Variants in ZNF735 observed in about 807,000 individuals in gnomAD.
The protein encoded by ZNF735 is zinc finger protein 735, also known as putative zinc finger protein 735.
ZNF735 carries 11 observed loss-of-function variants against 13.4 expected under a neutral mutation model. The ratio of observed to expected loss-of-function variants is 0.82; its 90% CI spans 0.52 to 1.36. ZNF735 has a LOEUF of 1.36. Among genes scored for constraint, ZNF735 ranks in the 40% most tolerant of loss-of-function variants. The pLI is 0.00. For missense variants in ZNF735, 500 were observed against 484.6 expected (o/e 1.03, Z -0.30); for synonymous variants, 171 against 162.6 (o/e 1.05, Z -0.39).
chr7:64,214,792 G>A (rs1006340037), intron 3 of ZNF735, among the ~76,000 whole-genome samples: 7 of 151,498 alleles, frequency 4.6e-5, no homozygotes, highest in African/African-American at 1.7e-4. Flanking sequence ...ATTATTTGAA[G>A]AACATTCATG....
chr7:64,220,061 C>T (rs747042016), exon 4 of ZNF735: 1 of 1,613,444 alleles, frequency 6.2e-7, no homozygotes, highest in East Asian at 2.2e-5. Flanking sequence ...TTTAACTGCT[C>T]CTCGACTCTT....
chr7:64,219,989 T>A (rs1472371276), exon 4 of ZNF735: 3 of 1,602,668 alleles, frequency 1.9e-6, no homozygotes, highest in South Asian at 1.1e-5. Flanking sequence ...TCAGCCCTCA[T>A]TTACCACAAG....
exon 2 of ZNF735, chr7:64,213,196 C>T (rs751189655): frequency 6.2e-7 from 1 of 1,607,366 alleles, no homozygotes; most frequent in Non-Finnish European, 8.5e-7. Context: ...TGTTAGAGAA[C>T]TACAGAAACC....
chr7:64,216,704 C>T (rs900270675), intron 3 of ZNF735, among the ~76,000 whole-genome samples: 7 of 152,012 alleles, frequency 4.6e-5, no homozygotes, highest in African/African-American at 1.7e-4. Flanking sequence ...TTCCTGGACT[C>T]AAGTAATCCT....
chr7:64,208,477 G>A (rs1470288880), intron 1 of ZNF735, among the ~76,000 whole-genome samples: 4 of 151,644 alleles, frequency 2.6e-5, no homozygotes, highest in African/African-American at 9.7e-5. Flanking sequence ...GGTTGGTCTC[G>A]AACTTTTGAC....
exon 4 of ZNF735, chr7:64,219,857 A>G (rs758089093): frequency 5.0e-6 from 8 of 1,613,920 alleles, no homozygotes; most frequent in Non-Finnish European, 6.8e-6. Flanking sequence ...GAGAAACCCT[A>G]CGCATGTGAA....
rs368377767 is a variant in ZNF735 at position 64,219,875 on chromosome 7, G to A, written c.824G>A (p.Gly275Asp). The change falls in exon 4 of 4, where the codon GGC becomes GAC. Residue 275 changes from glycine (G) to aspartate (D), a missense_variant. Coordinates refer to ENST00000429565, the Ensembl canonical transcript of ZNF735. Reference sequence around the variant, plus strand: ...AAACCCTACGCATGTGAAGAATGTGGCCAAGCCTTTAGGCGCTCCTCAACA... The same window carrying A: ...AAACCCTACGCATGTGAAGAATGTGACCAAGCCTTTAGGCGCTCCTCAACA... 1.0e-4 allele frequency: 166 copies of A among 1,613,860 alleles called. 1 individual carries two copies. The Middle Eastern group carries it at 1.7e-3, about 16-fold the overall frequency.
chr7:64,215,553 GTTC>G (rs1356321054), intron 3 of ZNF735, among the ~76,000 whole-genome samples: 1 of 151,954 alleles, frequency 6.6e-6, no homozygotes. Context: ...AAATTTTCCT[GTTC>G]TTCTCTTTGT....
At chr7:64,215,272 G>C (rs1787406477) in intron 3 of ZNF735, among the ~76,000 whole-genome samples, 1 of 151,890 alleles carries the variant, frequency 6.6e-6, no homozygotes, top group African/African-American at 2.4e-5. Context: ...TGGTCAGACT[G>C]GTCTCGAATT....
intron 1 of ZNF735, among the ~76,000 whole-genome samples, chr7:64,212,261 A>G (rs2116481195): frequency 6.6e-6 from 1 of 152,360 alleles, no homozygotes; most frequent in East Asian, 1.9e-4. Context: ...GAAAACCCAG[A>G]CTGCCACTTA....
exon 2 of ZNF735, chr7:64,213,217 G>A (rs749282296): frequency 2.3e-5 from 36 of 1,597,024 alleles, no homozygotes; most frequent in African/African-American, 4.1e-5. Context: ...TGTTCTCCCT[G>A]GGTGAGGTTA....
At chr7:64,207,535 AT>A (rs1028557333) in intron 1 of ZNF735, among the ~76,000 whole-genome samples, 6 of 152,104 alleles carry the variant, frequency 3.9e-5, no homozygotes, top group Non-Finnish European at 8.8e-5. Flanking sequence ...TTGTACAGGG[AT>A]TGGGAAAGTT....
intron 1 of ZNF735, among the ~76,000 whole-genome samples, chr7:64,207,582 A>T (rs1264575946): frequency 6.6e-6 from 1 of 152,244 alleles, no homozygotes; most frequent in Non-Finnish European, 1.5e-5. Flanking sequence ...TGCAGGATTC[A>T]TAAGTGGTAA....
At chr7:64,208,250 T>TG (rs1787314877) in intron 1 of ZNF735, among the ~76,000 whole-genome samples, 1 of 56,514 alleles carries the variant, frequency 1.8e-5, no homozygotes, top group African/African-American at 7.1e-5. Context: ...AAATGTTTTT[T>TG]TTTTTTTTTT....
chr7:64,218,836 TG>T (rs1295586574), intron 3 of ZNF735, among the ~76,000 whole-genome samples: 5 of 152,204 alleles, frequency 3.3e-5, no homozygotes, highest in African/African-American at 9.6e-5. Flanking sequence ...GTTCTCAAGA[TG>T]TGTCTTGTCT....
intron 3 of ZNF735, among the ~76,000 whole-genome samples, chr7:64,218,429 C>T (rs185517878): frequency 6.6e-6 from 1 of 151,498 alleles, no homozygotes; most frequent in Non-Finnish European, 1.5e-5. Flanking sequence ...GTTTGTTTAA[C>T]TTCTTCATTT....
At position 64,214,119 on chromosome 7, in the gene ZNF735, G is replaced by A; in HGVS notation, c.262+11G>A. On this transcript the variant is annotated intron_variant, in intron 3 of 3. Transcript: ENST00000429565. ...CAGCCAAACACCCAGGTAGGTGAGA[G>A]CAAATGAAGCAGATGACACGGATGA... 1 of 1,598,204 alleles carries A rather than the reference G, an allele frequency of 6.3e-7. No homozygotes were observed. Among genetic ancestry groups the A allele is most frequent in the Non-Finnish European group, 8.5e-7 (1 of 1,178,472 alleles).
exon 4 of ZNF735, chr7:64,220,179 T>G (rs1305597649): frequency 1.2e-6 from 2 of 1,613,028 alleles, no homozygotes; most frequent in Non-Finnish European, 1.7e-6. Flanking sequence ...GAATTCATAC[T>G]GGAGAGAAAC....
intron 1 of ZNF735, among the ~76,000 whole-genome samples, chr7:64,211,083 G>C (rs1359421601): frequency 6.6e-6 from 1 of 152,058 alleles, no homozygotes; most frequent in African/African-American, 2.4e-5. Context: ...TAATGAGTTT[G>C]TTTCAACTAC....
Sources: gnomAD v4.1 joint callset for allele counts (sites outside exome capture counted in the v4.1 genomes callset) on GRCh38, gnomAD v4.1.1 for gene constraint, MANE v1.5 for transcripts, NCBI Gene and HGNC (gene_info 2026-07-23, HGNC 2026-07-21) for gene names.